The following CDK14 variants were observed in gnomAD, a reference collection of about 807,000 sequenced individuals.
CDK14 encodes cyclin-dependent kinase 14.
Under a neutral mutation model 60.7 loss-of-function variants are expected in CDK14, and 34 were observed. The observed-to-expected ratio is 0.56, with a 90% CI of 0.43 to 0.75. CDK14 has a LOEUF of 0.75. Among genes scored for constraint, CDK14 ranks in the 30% least tolerant of loss-of-function variants. The pLI is 0.00. For synonymous variants in CDK14, 197 were observed against 203.7 expected (o/e 0.97, Z 0.28); for missense variants, 482 against 564.1 (o/e 0.85, Z 1.47).
chr7:90,858,608 A>T (rs549990180), intron 5 of CDK14, among the ~76,000 whole-genome samples: 1 of 152,166 alleles, frequency 6.6e-6, no homozygotes, highest in Non-Finnish European at 1.5e-5. Flanking sequence ...TTACAACATG[A>T]TATTCAGGGG....
intron 2 of CDK14, among the ~76,000 whole-genome samples, chr7:90,705,419 T>C (rs1208977693): frequency 2.0e-5 from 3 of 152,074 alleles, no homozygotes; most frequent in Non-Finnish European, 4.4e-5. Flanking sequence ...TTTAAAAAAT[T>C]GTTTGGCCCC....
intron 11 of CDK14, among the ~76,000 whole-genome samples, chr7:91,071,100 G>A (rs1044806063): frequency 6.6e-6 from 1 of 152,122 alleles, no homozygotes; most frequent in African/African-American, 2.4e-5. Flanking sequence ...ATTCCAGATA[G>A]TAAAGCCAAG....
chr7:90,896,602 G>A (rs1478422744), intron 6 of CDK14, among the ~76,000 whole-genome samples: 1 of 152,048 alleles, frequency 6.6e-6, no homozygotes, highest in East Asian at 1.9e-4. Context: ...ACCCTTCACT[G>A]TTTCTTCTTC....
intron 11 of CDK14, among the ~76,000 whole-genome samples, chr7:91,062,421 C>T (rs1046818651): frequency 5.9e-5 from 9 of 152,046 alleles, no homozygotes; most frequent in Non-Finnish European, 7.4e-5. Context: ...ACCCACTCTC[C>T]GACATTCACC....
At chr7:90,680,566 T>C (rs1801293345) in intron 2 of CDK14, among the ~76,000 whole-genome samples, 1 of 152,210 alleles carries the variant, frequency 6.6e-6, no homozygotes, top group Non-Finnish European at 1.5e-5. Context: ...AAAGACACTG[T>C]GTTGGAAAAA....
chr7:90,848,839 T>C (rs1370684880), intron 5 of CDK14, among the ~76,000 whole-genome samples: 1 of 152,202 alleles, frequency 6.6e-6, no homozygotes, highest in Non-Finnish European at 1.5e-5. Flanking sequence ...TCTAGTGGGT[T>C]TCATTGGGGC....
chr7:90,834,473 T>A (rs925939962), intron 5 of CDK14, among the ~76,000 whole-genome samples: 1 of 152,176 alleles, frequency 6.6e-6, no homozygotes, highest in African/African-American at 2.4e-5. Flanking sequence ...GATGAGATTT[T>A]ATTAGGACTG....
At chr7:91,010,616 C>G (rs979875995) in intron 10 of CDK14, among the ~76,000 whole-genome samples, 1 of 151,800 alleles carries the variant, frequency 6.6e-6, no homozygotes, top group Non-Finnish European at 1.5e-5. Context: ...TTGTTAAAAT[C>G]AACTTATTCT....
chr7:90,790,317 T>C (rs1418261386), intron 4 of CDK14, among the ~76,000 whole-genome samples: 2 of 152,172 alleles, frequency 1.3e-5, no homozygotes, highest in Admixed American at 6.6e-5. Context: ...ACTAGTTTCA[T>C]TCTGGAAGGA....
At chr7:91,061,019 C>T (rs1236580953) in intron 11 of CDK14, among the ~76,000 whole-genome samples, 2 of 152,176 alleles carry the variant, frequency 1.3e-5, no homozygotes, top group Non-Finnish European at 2.9e-5. Flanking sequence ...CCATTCTCCC[C>T]ATCACTTTCA....
At chr7:91,036,206 C>T (rs944249775) in intron 10 of CDK14, among the ~76,000 whole-genome samples, 4 of 152,138 alleles carry the variant, frequency 2.6e-5, no homozygotes, top group Admixed American at 6.5e-5. Flanking sequence ...ACATGAGGGT[C>T]GGCTGGAGCT....
intron 14 of CDK14, among the ~76,000 whole-genome samples, chr7:91,161,093 G>A (rs578106879): frequency 1.3e-5 from 2 of 152,310 alleles, no homozygotes; most frequent in South Asian, 4.2e-4. Context: ...AAGAGATATG[G>A]GCAATTGGTG....
At chr7:91,057,865 C>T (rs1340238263) in intron 11 of CDK14, among the ~76,000 whole-genome samples, 1 of 152,052 alleles carries the variant, frequency 6.6e-6, no homozygotes, top group African/African-American at 2.4e-5. Flanking sequence ...GTTCTTTTGG[C>T]TTAGGATTGA....
chr7:90,999,118 A>G (rs1022604714), intron 10 of CDK14, among the ~76,000 whole-genome samples: 8 of 152,200 alleles, frequency 5.3e-5, no homozygotes, highest in African/African-American at 1.9e-4. Context: ...ATTACCTCCC[A>G]AAGGCCCCAT....
intron 10 of CDK14, among the ~76,000 whole-genome samples, chr7:91,038,336 T>C (rs548906305): frequency 1.3e-5 from 2 of 152,338 alleles, no homozygotes; most frequent in African/African-American, 4.8e-5. Context: ...GCCTACTTTA[T>C]GTACTTTGAT....
intron 10 of CDK14, among the ~76,000 whole-genome samples, chr7:91,024,667 A>G (rs1796525127): frequency 6.6e-6 from 1 of 152,172 alleles, no homozygotes; most frequent in Non-Finnish European, 1.5e-5. Flanking sequence ...AAATAACTAA[A>G]CAAGTTGGGA....
chr7:90,775,061 T>C (rs1804958647), intron 4 of CDK14, among the ~76,000 whole-genome samples: 1 of 152,160 alleles, frequency 6.6e-6, no homozygotes, highest in African/African-American at 2.4e-5. Context: ...GAGTGGAAAC[T>C]TGACTTTTCT....
At chr7:91,139,500 A>G (rs1290008085) in intron 14 of CDK14, among the ~76,000 whole-genome samples, 1 of 152,210 alleles carries the variant, frequency 6.6e-6, no homozygotes, top group Non-Finnish European at 1.5e-5. Flanking sequence ...CTTGGGAGGC[A>G]GTGGAAAGGG....
At chr7:91,100,079 G>A (rs697400) in intron 12 of CDK14, among the ~76,000 whole-genome samples, 98,883 of 151,912 alleles carry the variant, frequency 0.65, 32,515 homozygotes, top group East Asian at 0.88. Flanking sequence ...TCATATAATC[G>A]CTGGTTCACT....
Sources: allele counts gnomAD v4.1 joint callset (sites outside exome capture counted in the v4.1 genomes callset), GRCh38; gene constraint gnomAD v4.1.1; transcripts MANE v1.5; gene names NCBI Gene and HGNC (gene_info 2026-07-23, HGNC 2026-07-21).